KCNN2: variants seen among roughly 807,000 people sequenced by gnomAD.
KCNN2 encodes small conductance calcium-activated potassium channel protein 2.
Under a neutral mutation model 55.5 loss-of-function variants are expected in KCNN2, and 24 were observed. The observed-to-expected ratio is 0.43, with a 90% CI of 0.31 to 0.61. KCNN2 has a LOEUF of 0.61. Among genes scored for constraint, KCNN2 ranks in the 20% least tolerant of loss-of-function variants. KCNN2 has a pLI of 0.08. For synonymous variants in KCNN2, 431 were observed against 336.1 expected (o/e 1.28, Z -3.09); for missense variants, 754 against 853.6 (o/e 0.88, Z 1.45).
At chr5:114,224,198 A>T (rs1323666803) in intron 2 of KCNN2, among the ~76,000 whole-genome samples, 1 of 152,216 alleles carries the variant, frequency 6.6e-6, no homozygotes, top group African/African-American at 2.4e-5. Flanking sequence ...GGAAAAATGG[A>T]TTTGAATCTA....
At chr5:114,189,073 G>A (rs1223933073) in intron 1 of KCNN2, among the ~76,000 whole-genome samples, 2 of 151,948 alleles carry the variant, frequency 1.3e-5, no homozygotes, top group Non-Finnish European at 2.9e-5. Context: ...TAGTGTTGGT[G>A]ATTAGAAAAA....
intron 2 of KCNN2, among the ~76,000 whole-genome samples, chr5:114,367,384 G>T (rs1757631668): frequency 6.6e-6 from 1 of 152,194 alleles, no homozygotes; most frequent in African/African-American, 2.4e-5. Context: ...ATCAGATTTA[G>T]TAGGAGTAAT....
At chr5:114,334,715 G>C (rs1756890531) in intron 2 of KCNN2, among the ~76,000 whole-genome samples, 1 of 151,824 alleles carries the variant, frequency 6.6e-6, no homozygotes, top group African/African-American at 2.4e-5. Flanking sequence ...TTATTTTCCT[G>C]AACACTAAAG....
At chr5:114,458,725 C>T (rs1761049305) in intron 3 of KCNN2, among the ~76,000 whole-genome samples, 1 of 152,134 alleles carries the variant, frequency 6.6e-6, no homozygotes, top group Non-Finnish European at 1.5e-5. Context: ...GAGATATCTA[C>T]AAGATGTTCC....
At chr5:114,388,581 T>A (rs1281350414) in intron 2 of KCNN2, among the ~76,000 whole-genome samples, 1 of 152,172 alleles carries the variant, frequency 6.6e-6, no homozygotes, top group Non-Finnish European at 1.5e-5. Flanking sequence ...GTGTTTAGAC[T>A]TACTAGCATG....
intron 2 of KCNN2, among the ~76,000 whole-genome samples, chr5:114,324,826 C>T (rs1365374207): frequency 2.0e-5 from 3 of 152,154 alleles, no homozygotes; most frequent in Admixed American, 6.6e-5. Context: ...GCCTAGATTG[C>T]CTTTCACAGG....
At chr5:114,329,644 T>C (rs940383468) in intron 2 of KCNN2, among the ~76,000 whole-genome samples, 12 of 152,180 alleles carry the variant, frequency 7.9e-5, no homozygotes, top group Non-Finnish European at 1.6e-4. Flanking sequence ...ACTCCTCAGC[T>C]TGCAGATGGC....
At chr5:114,111,869 C>T (rs981456489) in intron 1 of KCNN2, among the ~76,000 whole-genome samples, 15 of 152,148 alleles carry the variant, frequency 9.9e-5, no homozygotes, top group African/African-American at 3.6e-4. Flanking sequence ...AACACTTTTA[C>T]ACTGTTGGTG....
intron 2 of KCNN2, among the ~76,000 whole-genome samples, chr5:114,244,338 G>A (rs5022985): frequency 0.78 from 118,455 of 151,216 alleles, 46,910 homozygotes; most frequent in East Asian, 0.89. Context: ...TGGGCATGGC[G>A]GCTCATTGCC....
At chr5:114,355,567 T>G (rs138925615) in intron 2 of KCNN2, among the ~76,000 whole-genome samples, 3 of 152,334 alleles carry the variant, frequency 2.0e-5, no homozygotes, top group Non-Finnish European at 4.4e-5. Flanking sequence ...GGTTTTTCTC[T>G]CCTTGTGGCG....
intron 2 of KCNN2, among the ~76,000 whole-genome samples, chr5:114,223,217 T>C (rs181102921): frequency 2.5e-3 from 377 of 152,274 alleles, no homozygotes; most frequent in African/African-American, 8.7e-3. Context: ...GTTTTGAAGG[T>C]CTGCATGGAA....
At chr5:114,096,963 A>C (rs1475474619) in intron 1 of KCNN2, among the ~76,000 whole-genome samples, 1 of 151,920 alleles carries the variant, frequency 6.6e-6, no homozygotes, top group African/African-American at 2.4e-5. Flanking sequence ...TAGATGAGAC[A>C]CTGAGACTCA....
At chr5:114,310,791 G>C (rs2150025821) in intron 2 of KCNN2, among the ~76,000 whole-genome samples, 1 of 152,222 alleles carries the variant, frequency 6.6e-6, no homozygotes, top group South Asian at 2.1e-4. Flanking sequence ...GGCAAAGTGG[G>C]CCATATGAAA....
intron 1 of KCNN2, among the ~76,000 whole-genome samples, chr5:114,170,476 T>C (rs1753010199): frequency 6.6e-6 from 1 of 152,008 alleles, no homozygotes; most frequent in Admixed American, 6.6e-5. Flanking sequence ...TTAATCTATG[T>C]GCTGGAATAG....
At chr5:114,173,434 TTGTTTGTGTG>T (rs745536696) in intron 1 of KCNN2, among the ~76,000 whole-genome samples, 10 of 108,600 alleles carry the variant, frequency 9.2e-5, no homozygotes, top group African/African-American at 2.5e-4. Context: ...TGTTTTTGTT[TTGTTTGTGTG>T]TGTGTGTGTG....
intron 3 of KCNN2, among the ~76,000 whole-genome samples, chr5:114,460,162 C>T (rs954081855): frequency 6.6e-6 from 1 of 152,148 alleles, no homozygotes; most frequent in African/African-American, 2.4e-5. Context: ...CTTTGTTTAT[C>T]GTATGAAATC....
chr5:114,153,740 G>A (rs1340095006), intron 1 of KCNN2, among the ~76,000 whole-genome samples: 1 of 152,082 alleles, frequency 6.6e-6, no homozygotes, highest in Non-Finnish European at 1.5e-5. Flanking sequence ...CTGAAAAGAT[G>A]GAAAAAAGGC....
chr5:114,144,869 T>A (rs545948918), intron 1 of KCNN2, among the ~76,000 whole-genome samples: 1 of 150,530 alleles, frequency 6.6e-6, no homozygotes, highest in Non-Finnish European at 1.5e-5. Context: ...TGGGGGGGTA[T>A]AAGTCCTCAT....
chr5:114,069,241 A>G, intron 1 of KCNN2, among the ~76,000 whole-genome samples: 1 of 152,162 alleles, frequency 6.6e-6, no homozygotes, highest in South Asian at 2.1e-4. Flanking sequence ...TTGCCAGCTC[A>G]CTTACTTACT....
Sources: allele counts gnomAD v4.1 joint callset (sites outside exome capture counted in the v4.1 genomes callset), GRCh38; gene constraint gnomAD v4.1.1; transcripts MANE v1.5; gene names NCBI Gene and HGNC (gene_info 2026-07-23, HGNC 2026-07-21).